Variants in LPO observed in about 807,000 individuals in gnomAD.
LPO encodes the protein salivary peroxidase.
A neutral mutation model predicts 68.4 loss-of-function variants in LPO; 70 were observed. The ratio of observed to expected loss-of-function variants is 1.02; its 90% CI spans 0.84 to 1.25. The LOEUF is 1.25. Among genes scored for constraint, LPO ranks in the 50% most tolerant of loss-of-function variants. The pLI, the probability that LPO is intolerant of heterozygous loss-of-function variation, is 0.00. For synonymous variants in LPO, 360 were observed against 357.6 expected (o/e 1.01, Z -0.08); for missense variants, 873 against 908.4 (o/e 0.96, Z 0.50).
chr17:58,250,418 C>G lies in LPO; in HGVS notation c.577C>G (p.Arg193Gly), dbSNP rs145266879. The stretch of plus-strand genomic sequence containing the variant: ...CCCCTTCTCTCTCCATCTGTAGGCC[C>G]GGGAGGTATCTAACAAGATTGTTGG... ...TRNGFPLPLA[R>G]EVSNKIVGYL... The change falls in exon 7 of 13, where the codon CGG (arginine) becomes GGG (glycine). Residue 193 changes from arginine to glycine, a missense_variant. By Grantham distance (125) the Arg-to-Gly change is moderately radical (BLOSUM62 -2). Transcript: ENST00000262290. 9.3e-6 allele frequency: 15 copies of G among 1,613,736 alleles called. No homozygotes were observed. The highest frequency in any genetic ancestry group is 1.3e-5 in the Non-Finnish European group (15 of 1,179,826).
In LPO at chr17:58,262,191, G is replaced by A. The variant is rs929900437; in HGVS notation, c.1267-2531G>A. Among the ~76,000 whole-genome samples the A allele has an allele frequency of 2.6e-5, 4 of 152,072 alleles. No individual in the cohort carries two copies. In the South Asian group the frequency reaches 8.3e-4, roughly 32 times the overall value. On this transcript the variant is annotated intron_variant, in intron 9 of 12. Transcript: ENST00000262290. ...TCCTTTAGCCATTGTTTAAGGATAG[G>A]TCTGTGTGCAGCAAATTCTCTGAGT... is the stretch of plus-strand genomic sequence containing the variant.
At position 58,266,230 on chromosome 17, in the gene LPO, GA is replaced by G. The variant is rs761625479; in HGVS notation, c.1598del (p.Glu533GlyfsTer49). ...GAAACAGAATAAAATGATGACTGGA[GA>G]GCTGCGCAACAAGCTTTTCCAGCCA... ...LMKQNKMMTG[E>X]LRNKLFQPTH... On this transcript the variant is annotated frameshift_variant, in exon 11 of 13. Transcript: ENST00000262290. LOFTEE classifies it high-confidence loss of function. The G allele has an allele frequency of 6.2e-7, 1 of 1,614,162 alleles. No homozygotes were observed. The highest frequency in any genetic ancestry group is 1.1e-5 in the South Asian group (1 of 91,082).
chr17:58,249,215 C>A (rs1489492357), intron 5 of LPO, 38 bp downstream of exon 5: 1 of 1,545,020 alleles, frequency 6.5e-7, no homozygotes, highest in Non-Finnish European at 8.9e-7. Flanking sequence ...ACCATTCCAG[C>A]CACTCCGCCC....
chr17:58,253,701 T>C (rs1450807758), intron 8 of LPO, among the ~76,000 whole-genome samples: 1 of 152,218 alleles, frequency 6.6e-6, no homozygotes, highest in Non-Finnish European at 1.5e-5. Flanking sequence ...CAAGATACCT[T>C]TATAGATCTT....
intron 1 of LPO, among the ~76,000 whole-genome samples, chr17:58,239,314 G>A (rs187916085): frequency 4.0e-5 from 6 of 151,032 alleles, no homozygotes; most frequent in Non-Finnish European, 8.9e-5. Context: ...GTGCCCTGTG[G>A]ACACCTGGCT....
intron 8 of LPO, among the ~76,000 whole-genome samples, chr17:58,254,107 C>T (rs1970014860): frequency 6.9e-6 from 1 of 145,862 alleles, no homozygotes; most frequent in Admixed American, 6.8e-5. Flanking sequence ...GCAAGACTGT[C>T]CAGATAGATA....
intron 10 of LPO, 113 bp downstream of exon 10, chr17:58,265,087 T>G: frequency 7.4e-7 from 1 of 1,345,954 alleles, no homozygotes; most frequent in Admixed American, 2.1e-5. Flanking sequence ...CTTGGGCAAA[T>G]GAATTCACCT....
chr17:58,243,150 C>G (rs534721789), intron 2 of LPO, 95 bp downstream of exon 2: 2 of 1,263,808 alleles, frequency 1.6e-6, no homozygotes, highest in Admixed American at 3.4e-5. Flanking sequence ...TCTCACAGTA[C>G]GGGAGGATAG....
chr17:58,253,401 T>C (rs570585646), intron 8 of LPO, among the ~76,000 whole-genome samples: 8 of 152,376 alleles, frequency 5.3e-5, no homozygotes, highest in South Asian at 4.1e-4. Flanking sequence ...AACATCTTCA[T>C]TGATAAATCT....
At chr17:58,238,939 G>T (rs1426258142) in intron 1 of LPO, among the ~76,000 whole-genome samples, 200 bp downstream of exon 1, 1 of 152,032 alleles carries the variant, frequency 6.6e-6, no homozygotes, top group Non-Finnish European at 1.5e-5. Flanking sequence ...CCACCACTGT[G>T]GGGGAAAAAG....
chr17:58,250,742 A>G (rs1969944616), intron 7 of LPO, 121 bp downstream of exon 7: 2 of 989,392 alleles, frequency 2.0e-6, no homozygotes, highest in Admixed American at 2.1e-5. Context: ...GTAGTTTCCC[A>G]TGCCTCACGT....
At position 58,252,325 on chromosome 17, in the gene LPO, T is replaced by A. The variant is rs1159246776; in HGVS notation, c.924T>A (p.Phe308Leu). 6.2e-7 allele frequency: 1 copy of A among 1,614,186 alleles called. No homozygotes were observed. The highest frequency in any genetic ancestry group is 2.2e-5 in the East Asian group (1 of 44,880). The change falls in exon 8 of 13, where the codon TTT becomes TTA. Residue 308 changes from phenylalanine to leucine, a missense_variant. Phe to Leu is a conservative substitution (Grantham distance 22, BLOSUM62 0). Coordinates refer to ENST00000262290, the MANE Select transcript of LPO (RefSeq NM_006151.3). ...TGACCTCCTTCCTGGATGCCAGCTT[T>A]GTGTACAGCTCCGAGCCAAGCCTGG... The part of the protein sequence containing the change: ...NALTSFLDAS[F>L]VYSSEPSLAS...
chr17:58,244,338 C>G (rs1969815227), intron 3 of LPO: 1 of 480,922 alleles, frequency 2.1e-6, no homozygotes, highest in Non-Finnish European at 3.7e-6. Context: ...GAAGGACTTT[C>G]TTCCACGTGG....
intron 6 of LPO, 97 bp downstream of exon 6, chr17:58,249,792 G>C (rs1026672412): frequency 7.0e-7 from 1 of 1,418,474 alleles, no homozygotes; most frequent in East Asian, 2.7e-5. Flanking sequence ...GATCGGTGGG[G>C]GCAGCAGGGG....
intron 1 of LPO, among the ~76,000 whole-genome samples, chr17:58,239,532 G>C (rs913109748): frequency 2.6e-5 from 4 of 152,130 alleles, no homozygotes; most frequent in Admixed American, 6.6e-5. Flanking sequence ...TCAAGAGAGT[G>C]TTCCTGCAGG....
Position 58,250,415 on chromosome 17 carries a change from G to A in LPO, c.574G>A (p.Ala192Thr), listed in dbSNP as rs1969935909. 1 of 1,613,762 alleles carries A rather than the reference G, an allele frequency of 6.2e-7. No individual in the cohort carries two copies. The highest frequency in any genetic ancestry group is 1.3e-5 in the African/African-American group (1 of 74,878). Residue 192 changes from alanine to threonine, a missense_variant and splice_region_variant, in exon 7 of 13, where the codon GCC (alanine) becomes ACC (threonine). Ala to Thr is a moderately conservative substitution (Grantham distance 58, BLOSUM62 0). Coordinates refer to ENST00000262290, the MANE Select transcript of LPO (RefSeq NM_006151.3). Reference sequence around the variant, plus strand: ...CCTCCCCTTCTCTCTCCATCTGTAGGCCCGGGAGGTATCTAACAAGATTGT... The same window carrying A: ...CCTCCCCTTCTCTCTCCATCTGTAGACCCGGGAGGTATCTAACAAGATTGT... ...KTRNGFPLPL[A>T]REVSNKIVGY...
At chr17:58,257,261 C>T (rs1341985828) in intron 9 of LPO, among the ~76,000 whole-genome samples, 1 of 152,102 alleles carries the variant, frequency 6.6e-6, no homozygotes, top group Non-Finnish European at 1.5e-5. Flanking sequence ...TACCCACCAA[C>T]CATCTCCACC....
chr17:58,263,799 C>G (rs1325240091), intron 9 of LPO, among the ~76,000 whole-genome samples: 1 of 152,126 alleles, frequency 6.6e-6, no homozygotes. Flanking sequence ...CATGTAGGTT[C>G]TGGACTACTT....
chr17:58,262,074 G>A (rs1970184374), intron 9 of LPO, among the ~76,000 whole-genome samples: 1 of 152,140 alleles, frequency 6.6e-6, no homozygotes, highest in South Asian at 2.1e-4. Context: ...AAGAATTGAT[G>A]TTTACTTCTA....
Sources: allele counts gnomAD v4.1 joint callset (sites outside exome capture counted in the v4.1 genomes callset), GRCh38; gene constraint gnomAD v4.1.1; transcripts MANE v1.5; gene names NCBI Gene and HGNC (gene_info 2026-07-23, HGNC 2026-07-21).